The following PHEX variants were observed in gnomAD, a reference collection of about 807,000 sequenced individuals.
PHEX encodes phosphate regulating endopeptidase X-linked, also known as phosphate-regulating neutral endopeptidase PHEX.
Under a neutral mutation model 68.0 loss-of-function variants are expected in PHEX, and 16 were observed. The ratio of observed to expected loss-of-function variants is 0.24; its 90% CI spans 0.16 to 0.36. The LOEUF (loss-of-function observed/expected upper bound fraction) is 0.36. Ranked by LOEUF, PHEX falls within the 10% of genes least tolerant of loss-of-function variation. The pLI is 1.00. For synonymous variants in PHEX, 208 were observed against 205.1 expected (o/e 1.01, Z -0.12); for missense variants, 480 against 575.5 (o/e 0.83, Z 1.70).
intron 12 of PHEX, among the ~76,000 whole-genome samples, chrX:22,144,664 C>T (rs983743118): frequency 1.8e-5 from 2 of 109,591 alleles, no homozygotes; most frequent in African/African-American, 3.3e-5. Flanking sequence ...ACATACTTGA[C>T]AATATTAACA....
intron 15 of PHEX, among the ~76,000 whole-genome samples, chrX:22,204,880 G>C (rs1015871917): frequency 1.1e-4 from 12 of 110,826 alleles, no homozygotes; most frequent in Non-Finnish European, 1.1e-4. Flanking sequence ...CTGATACATA[G>C]AGTAGTTTAG....
intron 21 of PHEX, among the ~76,000 whole-genome samples, chrX:22,247,047 G>A (rs187955464): frequency 8.9e-6 from 1 of 111,790 alleles, no homozygotes; most frequent in Non-Finnish European, 1.9e-5. Flanking sequence ...AAAGTGCTGA[G>A]TAGGAATCCA....
intron 20 of PHEX, among the ~76,000 whole-genome samples, chrX:22,244,225 T>TTGAACAA (rs1936320461): frequency 9.1e-6 from 1 of 109,303 alleles, no homozygotes; most frequent in African/African-American, 3.3e-5. Context: ...TAAATGGGAG[T>TTGAACAA]TGAACAATGA....
intron 15 of PHEX, among the ~76,000 whole-genome samples, chrX:22,193,535 A>T (rs1931173401): frequency 8.9e-6 from 1 of 112,065 alleles, no homozygotes; most frequent in Admixed American, 9.5e-5. Flanking sequence ...TAAAAATGGT[A>T]TCTTACTGTA....
chrX:22,134,242 T>C (rs997237867), intron 12 of PHEX, among the ~76,000 whole-genome samples: 25 of 112,275 alleles, frequency 2.2e-4, no homozygotes, highest in Non-Finnish European at 4.5e-4. Flanking sequence ...TTTCTGATAC[T>C]ATGCGACACG....
intron 14 of PHEX, among the ~76,000 whole-genome samples, chrX:22,189,314 G>A (rs1237175145): frequency 3.6e-5 from 4 of 112,347 alleles, no homozygotes; most frequent in Non-Finnish European, 5.6e-5. Context: ...TGGATCATAT[G>A]GTAGCTCCAT....
At chrX:22,071,040 C>A (rs908606217) in intron 3 of PHEX, among the ~76,000 whole-genome samples, 1 of 111,824 alleles carries the variant, frequency 8.9e-6, no homozygotes, top group African/African-American at 3.2e-5. Context: ...ACTGTAAAAT[C>A]CTCAAGGGCC....
chrX:22,129,953 G>T (rs753968567), intron 11 of PHEX, among the ~76,000 whole-genome samples: 9 of 111,494 alleles, frequency 8.1e-5, no homozygotes, highest in African/African-American at 2.9e-4. Flanking sequence ...CATCCCACTA[G>T]TTTGGCTTCT....
chrX:22,049,836 C>T (rs1164353112), intron 3 of PHEX, among the ~76,000 whole-genome samples: 1 of 110,089 alleles, frequency 9.1e-6, no homozygotes, highest in Non-Finnish European at 1.9e-5. Flanking sequence ...GCACTCCAGC[C>T]GGGGCAACAA....
At chrX:22,192,111 C>T in intron 15 of PHEX, among the ~76,000 whole-genome samples, 1 of 111,503 alleles carries the variant, frequency 9.0e-6, no homozygotes, top group East Asian at 2.8e-4. Context: ...TGCTCAAATC[C>T]TTGCTGGTTT....
At chrX:22,075,828 G>A in intron 3 of PHEX, among the ~76,000 whole-genome samples, 1 of 111,699 alleles carries the variant, frequency 9.0e-6, no homozygotes, top group Middle Eastern at 4.6e-3. Context: ...AGGCAATTCG[G>A]GTAGGTTTTC....
At chrX:22,092,749 C>CTTTTTTTTTTTTTTTTTTTTTTTTTTT (rs370527485) in intron 6 of PHEX, among the ~76,000 whole-genome samples, 10 of 77,949 alleles carry the variant, frequency 1.3e-4, no homozygotes, top group East Asian at 3.8e-4. Context: ...TTCTTTCTTT[C>CTTTTTTTTTTTTTTTTTTTTTTTTTTT]TTTTTTTTTT....
intron 11 of PHEX, among the ~76,000 whole-genome samples, chrX:22,126,993 T>A (rs1179047231): frequency 2.0e-5 from 2 of 101,290 alleles, no homozygotes; most frequent in Non-Finnish European, 3.9e-5. Context: ...TGCCTCAGCC[T>A]CTCGAGTAGC....
chrX:22,046,889 T>A (rs1460263909), intron 2 of PHEX, among the ~76,000 whole-genome samples, 161 bp from the exon 3 acceptor site: 2 of 111,801 alleles, frequency 1.8e-5, no homozygotes, highest in Non-Finnish European at 1.9e-5. Context: ...TTGAATGTAG[T>A]CATTTCATAT....
chrX:22,228,510 A>G (rs1935589046), intron 20 of PHEX, among the ~76,000 whole-genome samples: 1 of 108,788 alleles, frequency 9.2e-6, no homozygotes, highest in African/African-American at 3.3e-5. Context: ...GCTAATAAAA[A>G]ACACTAAATA....
chrX:22,208,112 T>G (rs4306023), intron 15 of PHEX, among the ~76,000 whole-genome samples: 32,692 of 105,460 alleles, frequency 0.31, 4,839 homozygotes, highest in African/African-American at 0.52. Context: ...TACACAAGTT[T>G]ATTATCTTTG....
intron 12 of PHEX, among the ~76,000 whole-genome samples, chrX:22,155,192 G>T (rs183594086): frequency 8.9e-6 from 1 of 112,854 alleles, no homozygotes; most frequent in African/African-American, 3.2e-5. Context: ...GATTACAGGC[G>T]TGAGCCATCG....
intron 14 of PHEX, among the ~76,000 whole-genome samples, chrX:22,187,913 C>T (rs1934081389): frequency 3.6e-5 from 4 of 111,746 alleles, no homozygotes; most frequent in African/African-American, 6.5e-5. Flanking sequence ...GACCAGGCCT[C>T]GTACAAGCAC....
intron 13 of PHEX, among the ~76,000 whole-genome samples, chrX:22,174,059 C>T (rs1204193625): frequency 8.9e-6 from 1 of 111,759 alleles, no homozygotes; most frequent in Non-Finnish European, 1.9e-5. Flanking sequence ...TCCATTTAGT[C>T]TGTGGATCTG....
Sources: allele counts gnomAD v4.1 joint callset (sites outside exome capture counted in the v4.1 genomes callset), GRCh38; gene constraint gnomAD v4.1.1; transcripts MANE v1.5; gene names NCBI Gene and HGNC (gene_info 2026-07-23, HGNC 2026-07-21).